The following TOGARAM2 variants were observed in gnomAD, a reference collection of about 807,000 sequenced individuals.
TOGARAM2 encodes TOG array regulator of axonemal microtubules 2, also known as TOG array regulator of axonemal microtubules protein 2.
TOGARAM2 carries 85 observed loss-of-function variants against 93.3 expected under a neutral mutation model. The observed-to-expected ratio is 0.91, with a 90% CI of 0.76 to 1.09. TOGARAM2 has a LOEUF of 1.09. Ranked by LOEUF, TOGARAM2 falls within the 50% of genes least tolerant of loss-of-function variation. The pLI, the probability that TOGARAM2 is intolerant of heterozygous loss-of-function variation, is 0.00. For synonymous variants in TOGARAM2, 593 were observed against 552.8 expected (o/e 1.07, Z -1.02); for missense variants, 1,277 against 1,334.5 (o/e 0.96, Z 0.67).
intron 14 of TOGARAM2, among the ~76,000 whole-genome samples, chr2:29,031,093 T>G (rs1181870768): frequency 6.6e-6 from 1 of 152,248 alleles, no homozygotes; most frequent in Non-Finnish European, 1.5e-5. Context: ...GCATGTATCT[T>G]ACAATGACAG....
Position 29,035,522 on chromosome 2 carries a change from G to T in TOGARAM2, c.2284G>T (p.Glu762Ter). The T allele has an allele frequency of 6.4e-7, 1 of 1,563,526 alleles. No homozygotes were observed. Among genetic ancestry groups the T allele is most frequent in the Non-Finnish European group, 8.7e-7 (1 of 1,154,732 alleles). Residue 762 changes from glutamate (E) to a stop codon, truncating the protein, a stop_gained, in exon 17 of 20, where the codon GAG becomes TAG. Coordinates refer to ENST00000379558, the MANE Select transcript of TOGARAM2 (RefSeq NM_199280.4). LOFTEE classifies it high-confidence loss of function. ...GCGCTCCACACTGCAGGGCCGCGGG[G>T]AGATGGTGGAGCAGCTACGGGAGCT... Reference protein sequence around the residue: ...GLRSTLQGRGEMVEQLRELTR... With the variant: ...GLRSTLQGRG
intron 18 of TOGARAM2, among the ~76,000 whole-genome samples, chr2:29,037,732 C>T (rs1354594306): frequency 6.6e-6 from 1 of 152,186 alleles, no homozygotes; most frequent in Non-Finnish European, 1.5e-5. Context: ...TAAATATTGT[C>T]AATTTCCACT....
chr2:28,974,308 A>G (rs1173905958), intron 1 of TOGARAM2, among the ~76,000 whole-genome samples: 1 of 151,698 alleles, frequency 6.6e-6, no homozygotes, highest in East Asian at 1.9e-4. Context: ...TTTTGTTTTC[A>G]GTAGAAACAG....
chr2:29,021,842 TC>T (rs1421041206), intron 10 of TOGARAM2, among the ~76,000 whole-genome samples: 1 of 152,106 alleles, frequency 6.6e-6, no homozygotes. Flanking sequence ...TTTGGAGGTG[TC>T]CCCCTGACTG....
rs549668431 is a variant in TOGARAM2, at chr2:29,007,013, T to G, written c.830+3331T>G. The stretch of plus-strand genomic sequence containing the variant: ...TTCTGCATCCTGACTTTATACCTGC[T>G]TCTCGACCTTCCAGGCAGCTTCCTG... On this transcript the variant is annotated intron_variant, in intron 6 of 19. Transcript: ENST00000379558. Among the ~76,000 whole-genome samples, 34 of 152,324 alleles carry G rather than the reference T, an allele frequency of 2.2e-4. 1 individual carries two copies. The South Asian group carries it at 6.8e-3, about 31-fold the overall frequency.
chr2:28,981,773 TTC>T (rs1300342165), intron 1 of TOGARAM2, among the ~76,000 whole-genome samples: 1 of 152,166 alleles, frequency 6.6e-6, no homozygotes, highest in Non-Finnish European at 1.5e-5. Context: ...GGACTCACTG[TTC>T]TCTGAGCACT....
At chr2:28,964,191 T>G (rs762735003) in intron 1 of TOGARAM2, among the ~76,000 whole-genome samples, 18 of 152,244 alleles carry the variant, frequency 1.2e-4, no homozygotes, top group Non-Finnish European at 2.6e-4. Context: ...TTTCCTTCAA[T>G]TCTGCCAGTT....
At chr2:28,973,938 G>A (rs1671990321) in intron 1 of TOGARAM2, among the ~76,000 whole-genome samples, 1 of 152,010 alleles carries the variant, frequency 6.6e-6, no homozygotes, top group Admixed American at 6.5e-5. Context: ...GTAGAATCCT[G>A]GGTTAATAGA....
chr2:29,005,875 TTGTGAGTGCATGTGTATG>T (rs2148303470), intron 6 of TOGARAM2, among the ~76,000 whole-genome samples: 1 of 147,266 alleles, frequency 6.8e-6, no homozygotes, highest in East Asian at 2.1e-4. Context: ...TCAGTGCATG[TTGTGAGTGCATGTGTATG>T]TGTGTGAGTG....
At chr2:28,983,219 T>TAGAGATGGG (rs1672309760) in intron 1 of TOGARAM2, among the ~76,000 whole-genome samples, 1 of 87,276 alleles carries the variant, frequency 1.1e-5, no homozygotes, top group Non-Finnish European at 2.7e-5. Flanking sequence ...TTTTTTTTTT[T>TAGAGATGGG]TTTTTTTGTA....
intron 18 of TOGARAM2, among the ~76,000 whole-genome samples, chr2:29,043,748 G>A (rs1467334312): frequency 6.6e-6 from 1 of 152,214 alleles, no homozygotes; most frequent in African/African-American, 2.4e-5. Flanking sequence ...CAGTCCACAA[G>A]GAGAAGGTTC....
At chr2:28,993,353 G>A (rs1056024830) in intron 1 of TOGARAM2, among the ~76,000 whole-genome samples, 2 of 152,186 alleles carry the variant, frequency 1.3e-5, no homozygotes, top group Non-Finnish European at 2.9e-5. Flanking sequence ...CTATAATTCA[G>A]CCATGGAAGG....
intron 1 of TOGARAM2, among the ~76,000 whole-genome samples, chr2:28,966,233 C>T (rs758833641): frequency 7.9e-5 from 12 of 151,944 alleles, no homozygotes; most frequent in East Asian, 3.9e-4. Context: ...TCAGGTGATC[C>T]GCCTGCCTTG....
intron 13 of TOGARAM2, among the ~76,000 whole-genome samples, chr2:29,025,304 C>G (rs1246726933): frequency 6.6e-6 from 1 of 152,182 alleles, no homozygotes; most frequent in Non-Finnish European, 1.5e-5. Context: ...AATTGACTCA[C>G]GAAAGCGCAC....
At position 28,999,172 on chromosome 2, in the gene TOGARAM2, C is replaced by T. The variant is rs199920863; in HGVS notation, c.140-9C>T. 7.8e-4 allele frequency: 1,260 copies of T among 1,605,500 alleles called. 3 individuals carry two copies. Among genetic ancestry groups the T allele is most frequent in the Non-Finnish European group, 1.0e-3 (1,193 of 1,175,206 alleles). The stretch of plus-strand genomic sequence containing the variant: ...CGTGCCAAGCCATTCACACCTCTGT[C>T]CCCCTCAGGTTCTCTCCAGCCTGAG... On this transcript the variant is annotated splice_polypyrimidine_tract_variant and intron_variant, in intron 3 of 19. Coordinates refer to ENST00000379558, the MANE Select transcript of TOGARAM2 (RefSeq NM_199280.4).
Position 29,024,153 on chromosome 2 carries a change from G to A in TOGARAM2, c.1632G>A (p.Arg544=). Residue 544 remains arginine, a synonymous_variant, in exon 13 of 20, where the codon CGG becomes CGA. Coordinates refer to ENST00000379558, the MANE Select transcript of TOGARAM2 (RefSeq NM_199280.4). The part of the protein sequence containing the change: ...LVVTGEVTNL[R]SKVSHLAIST... Reference sequence around the variant, plus strand: ...CTCTCTCCAAGGTCACCAACCTGCGGTCCAAGGTGTCTCACCTGGCCATCA... The same window carrying A: ...CTCTCTCCAAGGTCACCAACCTGCGATCCAAGGTGTCTCACCTGGCCATCA... 1.3e-6 allele frequency: 2 copies of A among 1,579,792 alleles called. No individual in the cohort carries two copies. Among genetic ancestry groups the A allele is most frequent in the Non-Finnish European group, 1.7e-6 (2 of 1,162,568 alleles).
At chr2:28,969,727 T>A (rs1572617700) in intron 1 of TOGARAM2, among the ~76,000 whole-genome samples, 1 of 152,032 alleles carries the variant, frequency 6.6e-6, no homozygotes. Context: ...AGTAACAATG[T>A]AACTGCTCTG....
At chr2:28,967,598 T>C (rs1671885089) in intron 1 of TOGARAM2, among the ~76,000 whole-genome samples, 1 of 152,156 alleles carries the variant, frequency 6.6e-6, no homozygotes, top group Non-Finnish European at 1.5e-5. Context: ...GAGGTGGCCA[T>C]GGGCTGACCT....
chr2:29,041,764 C>T (rs1666453780), intron 18 of TOGARAM2, among the ~76,000 whole-genome samples: 1 of 152,094 alleles, frequency 6.6e-6, no homozygotes, highest in Non-Finnish European at 1.5e-5. Flanking sequence ...AGAAAAGGAG[C>T]CTAGGAAAGC....
Sources: allele counts gnomAD v4.1 joint callset (sites outside exome capture counted in the v4.1 genomes callset), GRCh38; gene constraint gnomAD v4.1.1; transcripts MANE v1.5; gene names NCBI Gene and HGNC (gene_info 2026-07-23, HGNC 2026-07-21).